SETX: variants seen among roughly 807,000 people sequenced by gnomAD.
SETX encodes helicase senataxin.
Under a neutral mutation model 227.2 loss-of-function variants are expected in SETX, and 90 were observed. The ratio of observed to expected loss-of-function variants is 0.40; its 90% CI spans 0.33 to 0.47. SETX has a LOEUF of 0.47. SETX is among the 20% of genes least tolerant of loss of function. The probability of loss-of-function intolerance (pLI) is 0.91; values close to 1 mark genes in which losing one functional copy is unlikely to be tolerated. For synonymous variants in SETX, 1,210 were observed against 1,113.2 expected (o/e 1.09, Z -1.73); for missense variants, 3,052 against 3,181.5 (o/e 0.96, Z 0.98).
At chr9:132,351,390 G>A (rs994093791) in intron 2 of SETX, among the ~76,000 whole-genome samples, 4 of 152,094 alleles carry the variant, frequency 2.6e-5, no homozygotes, top group African/African-American at 9.7e-5. Context: ...TTTAAAATAA[G>A]TACTAACAAA....
Position 132,325,036 on chromosome 9 carries a change from G to A in SETX, c.5274+1288C>T, listed in dbSNP as rs570652038. Among the ~76,000 whole-genome samples, 10 of 152,328 alleles carry A rather than the reference G, an allele frequency of 6.6e-5. No homozygotes were observed. In the South Asian group the frequency reaches 2.1e-3, roughly 32 times the overall value. On this transcript the variant is annotated intron_variant, in intron 10 of 25. Transcript: ENST00000224140. ...AGGATGTGCTGGGGTTGGGGAGGCTGTTACACAGAGCAGCTGCTGTGATGA... is the reference window on the plus strand; with the variant it reads ...AGGATGTGCTGGGGTTGGGGAGGCTATTACACAGAGCAGCTGCTGTGATGA...
intron 17 of SETX, among the ~76,000 whole-genome samples, chr9:132,287,508 G>A (rs1589648921): frequency 1.3e-5 from 2 of 151,818 alleles, no homozygotes; most frequent in East Asian, 3.9e-4. Flanking sequence ...AAACAAAAAC[G>A]CAACACCCCA....
chr9:132,300,130 CAA>C (rs72582907), intron 12 of SETX, among the ~76,000 whole-genome samples: 7,437 of 46,296 alleles, frequency 0.16, 115 homozygotes, highest in East Asian at 0.39. Context: ...AACTCCGTCT[CAA>C]AAAAAAAAAA....
intron 25 of SETX, 138 bp from the exon 26 acceptor site, chr9:132,265,123 A>T: frequency 9.4e-7 from 1 of 1,067,078 alleles, no homozygotes; most frequent in Non-Finnish European, 1.4e-6. Flanking sequence ...TACTCGTCAG[A>T]CAAGGATGAA....
chr9:132,320,616 A>C (rs929799727), intron 10 of SETX, among the ~76,000 whole-genome samples: 1 of 150,196 alleles, frequency 6.7e-6, no homozygotes, highest in Non-Finnish European at 1.5e-5. Flanking sequence ...AAAAAAAAAA[A>C]AACTAAACAA....
chr9:132,283,514 T>C (rs1220184121), intron 18 of SETX, 101 bp from the exon 19 acceptor site: 1 of 1,398,660 alleles, frequency 7.1e-7, no homozygotes, highest in African/African-American at 1.4e-5. Flanking sequence ...TTAAAATAGA[T>C]TTATGACAGA....
chr9:132,325,216 C>T (rs492507), intron 10 of SETX, among the ~76,000 whole-genome samples: 103,174 of 151,930 alleles, frequency 0.68, 37,346 homozygotes, highest in Non-Finnish European at 0.81. Context: ...ATTAGCCGGC[C>T]GTGGTGGCGA....
chr9:132,325,234 T>C (rs1846647948), intron 10 of SETX, among the ~76,000 whole-genome samples: 1 of 152,144 alleles, frequency 6.6e-6, no homozygotes, highest in South Asian at 2.1e-4. Context: ...CGAGAGCCTA[T>C]AGTCTCAGCT....
intron 24 of SETX, 32 bp from the exon 25 acceptor site, chr9:132,269,734 C>T (rs935933275): frequency 1.2e-6 from 2 of 1,604,730 alleles, no homozygotes; most frequent in Non-Finnish European, 1.7e-6. Flanking sequence ...CCTTCTTTGT[C>T]TAGAATGACT....
intron 15 of SETX, among the ~76,000 whole-genome samples, chr9:132,293,483 G>A (rs942430566): frequency 4.6e-5 from 7 of 152,210 alleles, no homozygotes; most frequent in South Asian, 2.1e-4. Flanking sequence ...GTTCAAGGGC[G>A]CGATCTCGGC....
At chr9:132,356,318 T>G (rs181980082), upstream of SETX, among the ~76,000 whole-genome samples, 1 of 152,182 alleles carries the variant, frequency 6.6e-6, no homozygotes, top group East Asian at 1.9e-4. Flanking sequence ...TTCTCCTGCA[T>G]CAGCCTCCCG....
intron 3 of SETX, among the ~76,000 whole-genome samples, chr9:132,347,511 C>T (rs1404602120): frequency 6.6e-6 from 1 of 151,884 alleles, no homozygotes; most frequent in African/African-American, 2.4e-5. Flanking sequence ...GGACTTTCAC[C>T]ATGATGGCCA....
intron 1 of SETX, 67 bp from the exon 2 acceptor site, chr9:132,353,822 G>A (rs568125993): frequency 6.6e-6 from 1 of 152,182 alleles, no homozygotes; most frequent in Non-Finnish European, 1.5e-5. Context: ...ATCTGAGCCT[G>A]GTATCGATCC....
chr9:132,281,469 T>A lies in SETX; in HGVS notation c.6652A>T (p.Met2218Leu). The A allele has an allele frequency of 6.2e-7, 1 of 1,610,034 alleles. No homozygotes were observed. The highest frequency in any genetic ancestry group is 8.5e-7 in the Non-Finnish European group (1 of 1,176,378). Residue 2218 changes from methionine (M) to leucine (L), a missense_variant and splice_region_variant, in exon 20 of 26, where the codon ATG (methionine) becomes TTG (leucine). Transcript: ENST00000224140. ...CAATCTGAACATAAAAAACTTACCA[T>A]AGAGATGACTGTCGGAGGGAGCTGC... ...PKQLPPTVISMKAQEYGYDQS... is the reference protein window; with the variant it reads ...PKQLPPTVISLKAQEYGYDQS...
intron 10 of SETX, among the ~76,000 whole-genome samples, chr9:132,321,763 G>A (rs1846363432): frequency 1.3e-5 from 2 of 151,740 alleles, no homozygotes; most frequent in Admixed American, 1.3e-4. Flanking sequence ...CAGGAGAAAT[G>A]CTTGAACCCA....
chr9:132,297,542 T>C (rs1847384170), intron 13 of SETX, among the ~76,000 whole-genome samples: 1 of 152,236 alleles, frequency 6.6e-6, no homozygotes, highest in Non-Finnish European at 1.5e-5. Context: ...ACTACGCTCC[T>C]AACCCAAGCC....
intron 11 of SETX, among the ~76,000 whole-genome samples, chr9:132,304,652 G>C (rs1017412527): frequency 6.7e-6 from 1 of 148,812 alleles, no homozygotes; most frequent in East Asian, 2.0e-4. Context: ...AAAAAAGAAA[G>C]AAAGAAAAGA....
intron 24 of SETX, among the ~76,000 whole-genome samples, 175 bp from the exon 25 acceptor site, chr9:132,269,877 T>A (rs559226664): frequency 1.4e-5 from 2 of 145,884 alleles, no homozygotes; most frequent in East Asian, 2.2e-4. Context: ...CGTGCCCGTG[T>A]GAGACACAGG....
chr9:132,308,032 C>A (rs900543391), intron 11 of SETX, among the ~76,000 whole-genome samples: 1 of 152,182 alleles, frequency 6.6e-6, no homozygotes, highest in Admixed American at 6.5e-5. Flanking sequence ...AGTATTTATA[C>A]TGCCTTTCCT....
Sources: allele counts gnomAD v4.1 joint callset (sites outside exome capture counted in the v4.1 genomes callset), GRCh38; gene constraint gnomAD v4.1.1; transcripts MANE v1.5; gene names NCBI Gene and HGNC (gene_info 2026-07-23, HGNC 2026-07-21).